URB1: variants seen among roughly 807,000 people sequenced by gnomAD.
URB1 encodes the protein nucleolar pre-ribosomal-associated protein 1.
In URB1, 197 loss-of-function variants were observed where a neutral mutation model predicts 242.3. The observed-to-expected ratio is 0.81, with a 90% CI of 0.72 to 0.91. URB1 has a LOEUF of 0.91. URB1 is among the 40% of genes least tolerant of loss of function. The probability of loss-of-function intolerance (pLI) is 0.00; values close to 1 mark genes in which losing one functional copy is unlikely to be tolerated. For synonymous variants in URB1, 1,153 were observed against 1,201.8 expected (o/e 0.96, Z 0.84); for missense variants, 2,721 against 2,860.5 (o/e 0.95, Z 1.11).
At chr21:32,355,390 TA>T (rs1388758652) in intron 16 of URB1, 58 bp downstream of exon 16, 1 of 1,480,380 alleles carries the variant, frequency 6.8e-7, no homozygotes, top group Non-Finnish European at 9.2e-7. Context: ...TCGATGACGC[TA>T]AGAAGTTAAT....
intron 10 of URB1, 83 bp downstream of exon 10, chr21:32,366,535 C>G: frequency 6.6e-7 from 1 of 1,521,000 alleles, no homozygotes; most frequent in Non-Finnish European, 8.9e-7. Context: ...CACATCCAGG[C>G]CAGTTCTCAG....
At chr21:32,390,461 T>C (rs2033625679) in intron 1 of URB1, among the ~76,000 whole-genome samples, 1 of 144,600 alleles carries the variant, frequency 6.9e-6, no homozygotes, top group Admixed American at 6.6e-5. Flanking sequence ...TGCCCACTTT[T>C]TGATGGGGTT....
At chr21:32,368,824 C>CTGAT (rs145206855) in intron 8 of URB1, among the ~76,000 whole-genome samples, 22,337 of 152,026 alleles carry the variant, frequency 0.15, 2,183 homozygotes, top group African/African-American at 0.28. Context: ...GAAAAAGTCT[C>CTGAT]TGTCCTGCGA....
At position 32,315,002 on chromosome 21, in the gene URB1, C is replaced by T; in HGVS notation, c.6732G>A (p.Glu2244=). ...CACTGCTCGGGGCATCATCTGCGGCCTCACACACCATCCGGACGTGGGTTA... is the reference window on the plus strand; with the variant it reads ...CACTGCTCGGGGCATCATCTGCGGCTTCACACACCATCCGGACGTGGGTTA... ...TLLTHVRMVC[E]AADDAPSSEE... The change falls in exon 39 of 39, where the codon GAG becomes GAA. Residue 2244 remains glutamate (E), a synonymous_variant. Transcript: ENST00000382751. 2 of 1,551,690 alleles carry T rather than the reference C, an allele frequency of 1.3e-6. No individual in the cohort carries two copies. The highest frequency in any genetic ancestry group is 1.7e-6 in the Non-Finnish European group (2 of 1,146,992).
At chr21:32,359,657 G>T (rs1244241723) in intron 14 of URB1, 139 bp downstream of exon 14, 3 of 697,994 alleles carry the variant, frequency 4.3e-6, no homozygotes, top group Non-Finnish European at 6.6e-6. Context: ...TCTGCTGTGG[G>T]TCTCTCTAAA....
At position 32,392,918 on chromosome 21, in the gene URB1, A is replaced by T. The variant is rs373827834; in HGVS notation, c.-8T>A. ...CCTCTTGGGGACCCCCATGGCCGAG[A>T]GGGCGGAAGCGCGACGGAAACGACA... On this transcript the variant is annotated 5_prime_UTR_variant, in exon 1 of 39. Coordinates refer to ENST00000382751, the MANE Select transcript of URB1 (RefSeq NM_014825.3). 8 of 1,505,940 alleles carry T rather than the reference A, an allele frequency of 5.3e-6. No homozygotes were observed. The South Asian group carries it at 9.9e-5, about 19-fold the overall frequency. The allele number at this position is 1,505,940 out of a possible 1,614,324, so 93.3% of individuals were successfully genotyped here.
At chr21:32,328,826 G>C (rs2032860627) in intron 30 of URB1, among the ~76,000 whole-genome samples, 1 of 152,198 alleles carries the variant, frequency 6.6e-6, no homozygotes, top group African/African-American at 2.4e-5. Flanking sequence ...CCCTCAGAAT[G>C]CTGAAAACAT....
At position 32,347,831 on chromosome 21, in the gene URB1, C is replaced by G. The variant is rs1036061358; in HGVS notation, c.3013-20G>C. Reference sequence around the variant, plus strand: ...CAGCGTCTGAAAGGCAGTGACGAGGCACAGACGTCACATAGAGCACAGGGC... The same window carrying G: ...CAGCGTCTGAAAGGCAGTGACGAGGGACAGACGTCACATAGAGCACAGGGC... On this transcript the variant is annotated intron_variant, in intron 21 of 38. Transcript: ENST00000382751. 6 of 1,527,320 alleles carry G rather than the reference C, an allele frequency of 3.9e-6. No individual in the cohort carries two copies. The highest frequency in any genetic ancestry group is 2.0e-5 in the Admixed American group (1 of 50,034). 94.6% of individuals were successfully genotyped at this position (1,527,320 alleles called of 1,614,324 possible).
In URB1 at chr21:32,312,713, C is replaced by T. The variant is rs1465284809; in HGVS notation, c.*2205G>A. ...TCTGGGACCCTTGAAAGATCTAGTC[C>T]TCTAGTGCCCAGCAGCCTTGTCCCT... On this transcript the variant is annotated 3_prime_UTR_variant, in exon 39 of 39. Coordinates refer to ENST00000382751, the MANE Select transcript of URB1 (RefSeq NM_014825.3). The T allele has an allele frequency of 1.3e-5, 2 of 154,520 alleles. No individual in the cohort carries two copies. The highest frequency in any genetic ancestry group is 4.8e-5 in the African/African-American group (2 of 41,440). The allele number at this position is 154,520 out of a possible 1,614,324, so 9.6% of individuals were successfully genotyped here. A position where few individuals can be genotyped will look rare whatever the true frequency, so the allele number is the denominator to read the frequency against.
At chr21:32,329,960 G>A (rs1322620505) in intron 30 of URB1, among the ~76,000 whole-genome samples, 1 of 152,162 alleles carries the variant, frequency 6.6e-6, no homozygotes, top group Non-Finnish European at 1.5e-5. Context: ...AGGGAGGAAG[G>A]GGCTTGAGGA....
intron 32 of URB1, among the ~76,000 whole-genome samples, chr21:32,323,877 T>C (rs1164898604): frequency 6.6e-6 from 1 of 152,126 alleles, no homozygotes; most frequent in Non-Finnish European, 1.5e-5. Flanking sequence ...GGTAAGAGAT[T>C]ACCTGAGCCT....
At chr21:32,362,147 A>C in intron 11 of URB1, 126 bp from the exon 12 acceptor site, 6 of 1,203,422 alleles carry the variant, frequency 5.0e-6, no homozygotes, top group Non-Finnish European at 6.8e-6. Context: ...TGCGTGTAAG[A>C]AGGAGAGGGA....
Position 32,347,462 on chromosome 21 carries a change from C to A in URB1, c.3362G>T (p.Arg1121Leu), listed in dbSNP as rs111669989. The A allele has an allele frequency of 6.4e-7, 1 of 1,550,592 alleles. No homozygotes were observed. Among genetic ancestry groups the A allele is most frequent in the South Asian group, 1.2e-5 (1 of 83,932 alleles). The change falls in exon 22 of 39, where the codon CGT becomes CTT. Residue 1121 changes from arginine (R) to leucine (L), a missense_variant. Arg to Leu is a moderately radical substitution (Grantham distance 102). Coordinates refer to ENST00000382751, the MANE Select transcript of URB1 (RefSeq NM_014825.3). ...LHPYMEGAQL[R>L]EVTLALLSLP... Reference sequence around the variant, plus strand: ...GCTCAGCAAGGCCAGGGTGACCTCACGGAGCTGGGCACCCTCCATGTATGG... The same window carrying A: ...GCTCAGCAAGGCCAGGGTGACCTCAAGGAGCTGGGCACCCTCCATGTATGG...
At chr21:32,336,126 G>A (rs1275379521) in intron 28 of URB1, among the ~76,000 whole-genome samples, 2 of 152,194 alleles carry the variant, frequency 1.3e-5, no homozygotes, top group African/African-American at 4.8e-5. Flanking sequence ...CGTCAAAAGA[G>A]CGAGGCTGCC....
At position 32,353,924 on chromosome 21, in the gene URB1, C is replaced by T; in HGVS notation, c.2416+9G>A. 1.3e-6 allele frequency: 2 copies of T among 1,551,428 alleles called. No individual in the cohort carries two copies. Among genetic ancestry groups the T allele is most frequent in the South Asian group, 2.4e-5 (2 of 84,010 alleles). On this transcript the variant is annotated intron_variant, in intron 18 of 38. Coordinates refer to ENST00000382751, the MANE Select transcript of URB1 (RefSeq NM_014825.3). Reference sequence around the variant, plus strand: ...GTGCAGCCAAGACATCCTGACTATACATAGGTACCTGCTTCATTGCCTGTC... The same window carrying T: ...GTGCAGCCAAGACATCCTGACTATATATAGGTACCTGCTTCATTGCCTGTC...
chr21:32,355,541 C>G lies in URB1; in HGVS notation c.2014G>C (p.Glu672Gln), dbSNP rs1347224731. ...AGCTCCAGCTCCTTCCAGGTGTGCT[C>G]AAACACCCCCGTGTCCCGCAGAATC... ...MKILRDTGVF[E>Q]HTWKELELWL... The change falls in exon 16 of 39, where the codon GAG becomes CAG. Residue 672 changes from glutamate to glutamine, a missense_variant. Physicochemically the swap from Glu to Gln is conservative, Grantham distance 29. Coordinates refer to ENST00000382751, the MANE Select transcript of URB1 (RefSeq NM_014825.3). The G allele has an allele frequency of 6.4e-6, 10 of 1,551,698 alleles. No individual in the cohort carries two copies. Among genetic ancestry groups the G allele is most frequent in the Non-Finnish European group, 8.7e-6 (10 of 1,146,974 alleles).
At chr21:32,380,805 G>A (rs909082939) in intron 4 of URB1, among the ~76,000 whole-genome samples, 1 of 152,266 alleles carries the variant, frequency 6.6e-6, no homozygotes, top group African/African-American at 2.4e-5. Flanking sequence ...GAAAGTTCCT[G>A]TGCTTTTATT....
chr21:32,367,148 G>A (rs1601149468), intron 9 of URB1, among the ~76,000 whole-genome samples: 1 of 152,148 alleles, frequency 6.6e-6, no homozygotes, highest in Non-Finnish European at 1.5e-5. Flanking sequence ...TCCTCACAAC[G>A]CTTTGGGATA....
chr21:32,359,090 C>T (rs1234170524), intron 14 of URB1, among the ~76,000 whole-genome samples: 1 of 152,170 alleles, frequency 6.6e-6, no homozygotes, highest in African/African-American at 2.4e-5. Context: ...CTGGAAATGT[C>T]GCGTGTAGAA....
Sources: gnomAD v4.1 joint callset for allele counts (sites outside exome capture counted in the v4.1 genomes callset) on GRCh38, gnomAD v4.1.1 for gene constraint, MANE v1.5 for transcripts, NCBI Gene and HGNC (gene_info 2026-07-23, HGNC 2026-07-21) for gene names.